The following CCDC187 variants were observed in gnomAD, a reference collection of about 807,000 sequenced individuals.
CCDC187 encodes the protein coiled-coil domain containing 187.
In CCDC187, 32 loss-of-function variants were observed where a neutral mutation model predicts 38.0. That is an observed-to-expected ratio of 0.84 (90% CI 0.64 to 1.13). CCDC187 has a LOEUF of 1.13. CCDC187 is among the 50% of genes most tolerant of loss of function. The pLI is 0.00. For synonymous variants in CCDC187, 333 were observed against 347.9 expected, an observed-to-expected ratio of 0.96 and a Z score of 0.48; for missense variants, 707 against 786.8, an observed-to-expected ratio of 0.90 and a Z score of 1.21.
intron 4 of CCDC187, among the ~76,000 whole-genome samples, chr9:136,295,288 C>T (rs1057142909): frequency 4.6e-5 from 7 of 152,242 alleles, no homozygotes; most frequent in Non-Finnish European, 8.8e-5. Context: ...CCCGCCTGCC[C>T]GCCCGGCCCC....
At chr9:136,304,365 G>A (rs1031635674), upstream of CCDC187, among the ~76,000 whole-genome samples, 11 of 152,158 alleles carry the variant, frequency 7.2e-5, no homozygotes, top group Non-Finnish European at 1.5e-4. Context: ...AGGCACAGAG[G>A]TCCCAGCAGC....
chr9:136,286,194 G>A lies in CCDC187; in HGVS notation c.2724C>T (p.Pro908=). 2.5e-6 allele frequency: 1 copy of A among 398,580 alleles called. No individual in the cohort carries two copies. Among genetic ancestry groups the A allele is most frequent in the Non-Finnish European group, 4.4e-6 (1 of 226,022 alleles). The allele number at this position is 398,580 out of a possible 1,614,324, so 24.7% of individuals were successfully genotyped here. A position where few individuals can be genotyped will look rare whatever the true frequency, so the allele number is the denominator to read the frequency against. The change falls in exon 8 of 26, where the codon CCC becomes CCT. Residue 908 remains proline (P), a synonymous_variant. Transcript: ENST00000638797. ...CCAGGAAGTAGGTCGGGGGCAGAAG[G>A]GGCTGGGGCTGCATGCTCACCCACT... is the stretch of plus-strand genomic sequence containing the variant. ...PGEWVSMQPQ[P]LLPPTYFLDG...
At chr9:136,271,612 T>C (rs1431240166) in intron 14 of CCDC187, among the ~76,000 whole-genome samples, 3 of 149,492 alleles carry the variant, frequency 2.0e-5, no homozygotes, top group African/African-American at 7.3e-5. Flanking sequence ...AAGTCTTTTT[T>C]TTTTTTTTTT....
chr9:136,293,374 C>T (rs938236700), intron 4 of CCDC187, among the ~76,000 whole-genome samples: 6,482 of 129,202 alleles, frequency 0.05, 364 homozygotes, highest in East Asian at 0.12. Context: ...CATGCTCACA[C>T]ACTCACACTC....
intron 4 of CCDC187, chr9:136,295,752 G>A (rs993046796): frequency 6.6e-6 from 1 of 152,268 alleles, no homozygotes; most frequent in Admixed American, 6.5e-5. Flanking sequence ...TGTTTACGAT[G>A]ATGAATGCGG....
intron 14 of CCDC187, among the ~76,000 whole-genome samples, chr9:136,268,509 C>T (rs1256604474): frequency 6.6e-6 from 1 of 152,120 alleles, no homozygotes; most frequent in East Asian, 1.9e-4. Flanking sequence ...CCCAGATCCC[C>T]AGCTGAAGTA....
At position 136,296,892 on chromosome 9, in the gene CCDC187, C is replaced by CA. The variant is rs1362549926; in HGVS notation, c.832+821dup. On this transcript the variant is annotated intron_variant, in intron 4 of 25. Coordinates refer to ENST00000638797, the MANE Select transcript of CCDC187 (RefSeq NM_001378188.1). The stretch of plus-strand genomic sequence containing the variant: ...CGCATGAAATTAATCGTAATGCAAG[C>CA]ACATGGCTGACTCACACACCCCCTG... 3.9e-4 allele frequency among the ~76,000 whole-genome samples: 60 copies of CA among 152,310 alleles called. 1 individual carries two copies. In the East Asian group the frequency reaches 0.011, roughly 27 times the overall value.
rs782425584 is a variant in CCDC187, at chr9:136,250,734, C to T, written c.*2860G>A. The T allele has an allele frequency of 1.3e-5, 6 of 456,132 alleles. No homozygotes were observed. The highest frequency in any genetic ancestry group is 7.7e-5 in the South Asian group (5 of 64,570). 28.3% of individuals were successfully genotyped at this position (456,132 alleles called of 1,614,324 possible). On this transcript the variant is annotated 3_prime_UTR_variant, in exon 26 of 26. Transcript: ENST00000638797. Reference sequence around the variant, plus strand: ...AGCTGGTGCAAAATCAGATGCATGGCCCGAGCTGGGCTTCCTGTGCACATG... The same window carrying T: ...AGCTGGTGCAAAATCAGATGCATGGTCCGAGCTGGGCTTCCTGTGCACATG...
In CCDC187 at chr9:136,281,692, G is replaced by A. The variant is rs1395042037; in HGVS notation, c.2928-29C>T. 4 of 398,716 alleles carry A rather than the reference G, an allele frequency of 1.0e-5. No individual in the cohort carries two copies. The East Asian group carries it at 1.4e-4, about 14-fold the overall frequency. 24.7% of individuals were successfully genotyped at this position (398,716 alleles called of 1,614,324 possible). On this transcript the variant is annotated intron_variant, in intron 9 of 25. Transcript: ENST00000638797. ...GAAGACACAGGCACACGTGTGGCAG[G>A]GCCAGGCCCGTGGAGGAGACAGGAG...
rs1418711200 is a variant in CCDC187 at position 136,290,634 on chromosome 9, G to A, written c.1979C>T (p.Ser660Leu). 5.8e-5 allele frequency: 23 copies of A among 398,572 alleles called. No homozygotes were observed. The highest frequency in any genetic ancestry group is 7.5e-5 in the Non-Finnish European group (17 of 226,042). The allele number at this position is 398,572 out of a possible 1,614,324, so 24.7% of individuals were successfully genotyped here. A position where few individuals can be genotyped will look rare whatever the true frequency, so the allele number is the denominator to read the frequency against. The change falls in exon 6 of 26, where the codon TCG becomes TTG. Residue 660 changes from serine (S) to leucine (L), a missense_variant. By Grantham distance (145) the Ser-to-Leu change is moderately radical. Transcript: ENST00000638797. ...RRRQALEEKA[S>L]ALRTRELRSR... ...CCTCAGCTCCCGTGTGCGCAGGGCC[G>A]AGGCCTTCTCCTCCAGGGCCTGCCG... is the stretch of plus-strand genomic sequence containing the variant.
In CCDC187 at chr9:136,262,220, G is replaced by A. The variant is rs550034752; in HGVS notation, c.4064+91C>T. Reference sequence around the variant, plus strand: ...CCACCCCGGCCCCTGAGCCAGGCTCGTCCACCGGCCACCCGGGGCAGAAAA... The same window carrying A: ...CCACCCCGGCCCCTGAGCCAGGCTCATCCACCGGCCACCCGGGGCAGAAAA... On this transcript the variant is annotated intron_variant, in intron 19 of 25. Coordinates refer to ENST00000638797, the MANE Select transcript of CCDC187 (RefSeq NM_001378188.1). 1.9e-5 allele frequency: 19 copies of A among 977,388 alleles called. No homozygotes were observed. In the East Asian group the frequency reaches 5.7e-4, roughly 29 times the overall value. The allele number at this position is 977,388 out of a possible 1,614,324, so 60.5% of individuals were successfully genotyped here.
intron 14 of CCDC187, among the ~76,000 whole-genome samples, chr9:136,269,044 A>G (rs1554762021): frequency 1.3e-5 from 2 of 152,222 alleles, no homozygotes; most frequent in South Asian, 2.1e-4. Flanking sequence ...AGATGTATCA[A>G]GTGTCCCTCT....
rs1055311162 is a variant in CCDC187, at chr9:136,291,526, C to G, written c.1087G>C (p.Asp363His). Reference sequence around the variant, plus strand: ...GCCGTCTGTATGGTCGCTGGCTGGTCGAAGGAAGCCAGGCTGGGTGTGTTC... The same window carrying G: ...GCCGTCTGTATGGTCGCTGGCTGGTGGAAGGAAGCCAGGCTGGGTGTGTTC... ...SGNTPSLASF[D>H]QPATIQTAMA... Residue 363 changes from aspartate (D) to histidine (H), a missense_variant, in exon 6 of 26, where the codon GAC becomes CAC. Transcript: ENST00000638797. 2 of 398,710 alleles carry G rather than the reference C, an allele frequency of 5.0e-6. No homozygotes were observed. Among genetic ancestry groups the G allele is most frequent in the Non-Finnish European group, 8.8e-6 (2 of 226,132 alleles). The allele number at this position is 398,710 out of a possible 1,614,324, so 24.7% of individuals were successfully genotyped here.
chr9:136,270,179 T>A (rs1016597315), intron 14 of CCDC187, among the ~76,000 whole-genome samples: 7 of 152,138 alleles, frequency 4.6e-5, no homozygotes, highest in Admixed American at 4.6e-4. Context: ...TGTGCGGAGA[T>A]GAGAGATCGT....
chr9:136,256,494 G>A (rs1554760318), intron 23 of CCDC187, among the ~76,000 whole-genome samples, 171 bp from the exon 24 acceptor site: 1 of 149,836 alleles, frequency 6.7e-6, no homozygotes, highest in Non-Finnish European at 1.5e-5. Context: ...CTCCCATTGG[G>A]CCCTGCCACC....
intron 9 of CCDC187, among the ~76,000 whole-genome samples, chr9:136,282,783 G>A (rs1248798254): frequency 2.0e-5 from 3 of 152,246 alleles, no homozygotes; most frequent in African/African-American, 7.2e-5. Context: ...CGCATTCCTG[G>A]TGCTGCAGGG....
Position 136,256,213 on chromosome 9 carries a change from C to G in CCDC187, c.4614G>C (p.Gln1538His). 5 of 985,524 alleles carry G rather than the reference C, an allele frequency of 5.1e-6. No homozygotes were observed. Among genetic ancestry groups the G allele is most frequent in the Non-Finnish European group, 6.0e-6 (5 of 829,978 alleles). The allele number at this position is 985,524 out of a possible 1,614,324, so 61.0% of individuals were successfully genotyped here. Reference sequence around the variant, plus strand: ...CTCCAGGGAGCTCAGCCCCACACCTCTGCTCCCCCGATCGCCAGCTCTCGG... The same window carrying G: ...CTCCAGGGAGCTCAGCCCCACACCTGTGCTCCCCCGATCGCCAGCTCTCGG... ...QETESWRSGE[Q>H]RTEACQQEVP... The change falls in exon 24 of 26, where the codon CAG becomes CAC. Residue 1538 changes from glutamine (Q) to histidine (H), a missense_variant and splice_region_variant. Coordinates refer to ENST00000638797, the MANE Select transcript of CCDC187 (RefSeq NM_001378188.1).
At chr9:136,273,997 G>A (rs1320528540) in intron 14 of CCDC187, among the ~76,000 whole-genome samples, 1 of 152,242 alleles carries the variant, frequency 6.6e-6, no homozygotes, top group Non-Finnish European at 1.5e-5. Context: ...CACGAGAGGG[G>A]AGTCTGGACC....
At chr9:136,277,740 C>T (rs1170389031) in intron 10 of CCDC187, among the ~76,000 whole-genome samples, 4 of 152,164 alleles carry the variant, frequency 2.6e-5, no homozygotes, top group Non-Finnish European at 2.9e-5. Context: ...ACAGAGGCTG[C>T]CACCAGGAGG....
Sources: gnomAD v4.1 joint callset for allele counts (sites outside exome capture counted in the v4.1 genomes callset) on GRCh38, gnomAD v4.1.1 for gene constraint, MANE v1.5 for transcripts, NCBI Gene and HGNC (gene_info 2026-07-23, HGNC 2026-07-21) for gene names.